CPT2: variants seen among roughly 807,000 people sequenced by gnomAD.
CPT2 encodes carnitine palmitoyltransferase 2, also known as carnitine O-palmitoyltransferase 2, mitochondrial.
In CPT2, 37 loss-of-function variants were observed where a neutral mutation model predicts 48.6. The observed-to-expected ratio is 0.76, with a 90% CI of 0.59 to 1.00. The LOEUF (loss-of-function observed/expected upper bound fraction) is 1.00, where lower values mean the gene tolerates loss of function less well. Among genes scored for constraint, CPT2 ranks in the 50% least tolerant of loss-of-function variants. The probability of loss-of-function intolerance (pLI) is 0.00; values close to 1 mark genes in which losing one functional copy is unlikely to be tolerated. For synonymous variants in CPT2, 319 were observed against 326.9 expected, an observed-to-expected ratio of 0.98 and a Z score of 0.26; for missense variants, 772 against 825.6, an observed-to-expected ratio of 0.94 and a Z score of 0.80.
intron 4 of CPT2, chr1:53,212,735 AAGG>A: frequency 2.5e-6 from 1 of 407,636 alleles, no homozygotes; most frequent in Non-Finnish European, 4.3e-6. Flanking sequence ...CTGGAAGTGA[AAGG>A]GACCTCCAAG....
Position 53,200,821 on chromosome 1 carries a change from T to G in CPT2, c.233+22T>G, listed in dbSNP as rs753641665. Reference sequence around the variant, plus strand: ...TCAGGTAAACACTGAGAACCTTGGGTGAGCATAGTTGGGGTGGTTCAAGAC... The same window carrying G: ...TCAGGTAAACACTGAGAACCTTGGGGGAGCATAGTTGGGGTGGTTCAAGAC... On this transcript the variant is annotated intron_variant, in intron 2 of 4. Transcript: ENST00000371486. The G allele has an allele frequency of 4.1e-5, 65 of 1,585,308 alleles. No individual in the cohort carries two copies. The Admixed American group carries it at 1.1e-3, about 26-fold the overall frequency.
intron 4 of CPT2, among the ~76,000 whole-genome samples, chr1:53,212,067 ATTT>A (rs11441059): frequency 2.9e-5 from 4 of 138,830 alleles, no homozygotes; most frequent in Non-Finnish European, 4.6e-5. Context: ...TGATATTTTA[ATTT>A]TTTTTTTTTT....
chr1:53,201,952 G>T, intron 2 of CPT2: 1 of 279,414 alleles, frequency 3.6e-6, no homozygotes, highest in Non-Finnish European at 7.0e-6. Flanking sequence ...TACACATCAA[G>T]AAACCGAGAC....
Position 53,211,192 on chromosome 1 carries a change from C to T in CPT2, c.1518C>T (p.Ser506=), listed in dbSNP as rs140798841. 33 of 1,608,524 alleles carry T rather than the reference C, an allele frequency of 2.1e-5. No individual in the cohort carries two copies. The African/African-American group carries it at 3.1e-4, about 15-fold the overall frequency. The change falls in exon 4 of 5, where the codon TCC becomes TCT. Residue 506 remains serine (S), a synonymous_variant. Coordinates refer to ENST00000371486, the MANE Select transcript of CPT2 (RefSeq NM_000098.3). ...GCACTGAGACCATCCGCCCGGCCTCCGTCTATACAAAGAGGTGCTCTGAGG... is the reference window on the plus strand; with the variant it reads ...GCACTGAGACCATCCGCCCGGCCTCTGTCTATACAAAGAGGTGCTCTGAGG... ...HGRTETIRPA[S]VYTKRCSEAF... is the part of the protein sequence containing the mutation.
At chr1:53,198,636 G>C (rs535606094) in intron 1 of CPT2, among the ~76,000 whole-genome samples, 18 of 152,308 alleles carry the variant, frequency 1.2e-4, no homozygotes, top group African/African-American at 4.3e-4. Context: ...TTTCAGGCAG[G>C]CCTGGGCCCC....
intron 3 of CPT2, chr1:53,203,947 T>C (rs775292789): frequency 1.3e-5 from 2 of 152,226 alleles, no homozygotes; most frequent in Non-Finnish European, 1.5e-5. Context: ...CATTGTCTTT[T>C]AGCATCCAGT....
In CPT2 at chr1:53,202,415, C is replaced by A. The variant is rs1645359567; in HGVS notation, c.326C>A (p.Thr109Lys). ...LVALDKQNKH[T>K]SYISGPWFDM... ...GCTCTGGACAAACAGAATAAACATA[C>A]AAGCTACATTTCGGGTAGGTAGGCT... Residue 109 changes from threonine (T) to lysine (K), a missense_variant, in exon 3 of 5, where the codon ACA becomes AAA. Thr to Lys is a moderately conservative substitution (Grantham distance 78, BLOSUM62 -1). Transcript: ENST00000371486. The A allele has an allele frequency of 6.2e-7, 1 of 1,613,618 alleles. No individual in the cohort carries two copies. The highest frequency in any genetic ancestry group is 1.7e-5 in the Admixed American group (1 of 60,000).
chr1:53,197,941 C>G (rs961242569), intron 1 of CPT2, among the ~76,000 whole-genome samples: 9 of 152,108 alleles, frequency 5.9e-5, no homozygotes, highest in Non-Finnish European at 1.3e-4. Context: ...ACCCTGCCTT[C>G]GAAACACTTC....
chr1:53,203,536 C>G (rs1645367001), intron 3 of CPT2: 1 of 152,214 alleles, frequency 6.6e-6, no homozygotes, highest in East Asian at 1.9e-4. Flanking sequence ...TCTTCCCAAG[C>G]TGTCTGAATC....
At position 53,204,875 on chromosome 1, in the gene CPT2, C is replaced by T. The variant is rs766639853; in HGVS notation, c.340+2446C>T. On this transcript the variant is annotated intron_variant, in intron 3 of 4. Transcript: ENST00000371486. ...TGTGCCTTGCTTCCCCTTCACCTTG[C>T]GCTGTGATTGTAAGTTTCCTGAGGC... 3.9e-5 allele frequency among the ~76,000 whole-genome samples: 6 copies of T among 152,194 alleles called. No homozygotes were observed. The East Asian group carries it at 5.8e-4, about 15-fold the overall frequency.
chr1:53,197,206 C>G, intron 1 of CPT2, 111 bp downstream of exon 1: 1 of 1,344,714 alleles, frequency 7.4e-7, no homozygotes, highest in Non-Finnish European at 1.0e-6. Context: ...CCCCAAGCCC[C>G]TACCATGGAG....
At position 53,197,030 on chromosome 1, in the gene CPT2, C is replaced by T; in HGVS notation, c.87C>T (p.Ser29=). ...GAPSRPLSAG[S]GPGQYLQRSI... ...CCAGTCGGCCCCTCAGCGCCGGCTCCGGGCCCGGCCAGTACCTGCAGCGCA... is the reference window on the plus strand; with the variant it reads ...CCAGTCGGCCCCTCAGCGCCGGCTCTGGGCCCGGCCAGTACCTGCAGCGCA... Residue 29 remains serine (S), a synonymous_variant, in exon 1 of 5, where the codon TCC becomes TCT. Coordinates refer to ENST00000371486, the MANE Select transcript of CPT2 (RefSeq NM_000098.3). The T allele has an allele frequency of 1.3e-6, 2 of 1,536,756 alleles. No homozygotes were observed. The highest frequency in any genetic ancestry group is 1.7e-6 in the Non-Finnish European group (2 of 1,145,532).
In CPT2 at chr1:53,202,310, T is replaced by G. The variant is rs777043956; in HGVS notation, c.234-13T>G. On this transcript the variant is annotated splice_polypyrimidine_tract_variant and intron_variant, in intron 2 of 4. Transcript: ENST00000371486. ...TACCATGGTTTGATTTTGTCTTTTC[T>G]TGAATGTTTTAGGAAAACAGAACAA... 2 of 1,602,476 alleles carry G rather than the reference T, an allele frequency of 1.2e-6. No homozygotes were observed. The highest frequency in any genetic ancestry group is 2.2e-5 in the South Asian group (2 of 90,858).
Position 53,213,467 on chromosome 1 carries a change from C to T in CPT2, c.1849C>T (p.His617Tyr), listed in dbSNP as rs201996784. Reference protein sequence around the residue: ...SDGFGVGYAVHDNWIGCNVSS... With the variant: ...SDGFGVGYAVYDNWIGCNVSS... ...TGGCTTTGGTGTTGGGTATGCTGTT[C>T]ATGACAACTGGATAGGCTGCAATGT... Residue 617 changes from histidine (H) to tyrosine (Y), a missense_variant, in exon 5 of 5, where the codon CAT (histidine) becomes TAT (tyrosine). Coordinates refer to ENST00000371486, the MANE Select transcript of CPT2 (RefSeq NM_000098.3). 5 of 1,614,256 alleles carry T rather than the reference C, an allele frequency of 3.1e-6. No individual in the cohort carries two copies. In the Admixed American group the frequency reaches 8.3e-5, roughly 27 times the overall value.
chr1:53,197,094 A>G lies in CPT2; in HGVS notation c.151A>G (p.Arg51Gly). ...PTMHYQDSLP[R>G]LPIPKLEDTI... is the part of the protein sequence containing the mutation. Reference sequence around the variant, plus strand: ...CATGCACTACCAGGACAGCCTGCCCAGGTGAGCCTGGCCTCCGGGTCCCCG... The same window carrying G: ...CATGCACTACCAGGACAGCCTGCCCGGGTGAGCCTGGCCTCCGGGTCCCCG... Residue 51 changes from arginine to glycine, a missense_variant and splice_region_variant, in exon 1 of 5, where the codon AGG (arginine) becomes GGG (glycine). Coordinates refer to ENST00000371486, the MANE Select transcript of CPT2 (RefSeq NM_000098.3). The G allele has an allele frequency of 6.5e-7, 1 of 1,538,190 alleles. No homozygotes were observed. Among genetic ancestry groups the G allele is most frequent in the East Asian group, 2.4e-5 (1 of 40,872 alleles).
intron 4 of CPT2, 109 bp from the exon 5 acceptor site, chr1:53,213,155 C>T (rs1308569631): frequency 6.8e-6 from 7 of 1,034,982 alleles, no homozygotes; most frequent in South Asian, 5.3e-5. Context: ...AGCCTTCCCC[C>T]ACTCTCAAGG....
intron 3 of CPT2, chr1:53,208,100 A>G (rs963014444): frequency 6.6e-6 from 1 of 152,218 alleles, no homozygotes; most frequent in African/African-American, 2.4e-5. Context: ...GGTCAGAGGC[A>G]TGAATTTATG....
Position 53,211,277 on chromosome 1 carries a change from T to C in CPT2, c.1603T>C (p.Cys535Arg), listed in dbSNP as rs1220461521. Residue 535 changes from cysteine to arginine, a missense_variant, in exon 4 of 5, where the codon TGC becomes CGC. Coordinates refer to ENST00000371486, the MANE Select transcript of CPT2 (RefSeq NM_000098.3). ...TGAGCTTCAGCAGATGATGGTTGAG[T>C]GCTCCAAGTACCATGGCCAGCTGAC... ...AGELQQMMVECSKYHGQLTKE... is the reference protein window; with the variant it reads ...AGELQQMMVERSKYHGQLTKE... The C allele has an allele frequency of 3.1e-6, 5 of 1,611,332 alleles. No homozygotes were observed. In the African/African-American group the frequency reaches 4.0e-5, roughly 13 times the overall value.
chr1:53,202,173 G>T, intron 2 of CPT2, 150 bp from the exon 3 acceptor site: 1 of 672,816 alleles, frequency 1.5e-6, no homozygotes. Flanking sequence ...ATTGATTCCT[G>T]TTCTGGTTAG....
Sources: allele counts gnomAD v4.1 joint callset (sites outside exome capture counted in the v4.1 genomes callset), GRCh38; gene constraint gnomAD v4.1.1; transcripts MANE v1.5; gene names NCBI Gene and HGNC (gene_info 2026-07-23, HGNC 2026-07-21).